Variants in TTC27 observed in about 807,000 individuals in gnomAD.
TTC27 encodes tetratricopeptide repeat protein 27.
Under a neutral mutation model 115.9 loss-of-function variants are expected in TTC27, and 79 were observed. That is an observed-to-expected ratio of 0.68 (90% CI 0.57 to 0.82). The LOEUF (loss-of-function observed/expected upper bound fraction) is 0.82. Among genes scored for constraint, TTC27 ranks in the 40% least tolerant of loss-of-function variants. The pLI is 0.00. For missense variants in TTC27, 1,054 were observed against 993.1 expected (o/e 1.06, Z -0.82); for synonymous variants, 401 against 356.0 (o/e 1.13, Z -1.42).
intron 9 of TTC27, among the ~76,000 whole-genome samples, chr2:32,700,302 G>C (rs1011966675): frequency 6.6e-6 from 1 of 152,134 alleles, no homozygotes; most frequent in Non-Finnish European, 1.5e-5. Flanking sequence ...GGGAGGTCAA[G>C]TAACTTCCCC....
chr2:32,645,700 T>TC (rs919360109), intron 4 of TTC27, among the ~76,000 whole-genome samples: 3 of 150,896 alleles, frequency 2.0e-5, no homozygotes, highest in African/African-American at 7.3e-5. Flanking sequence ...CCCTCCCGCC[T>TC]CCCCCCAATT....
chr2:32,765,357 CT>C (rs35543003), intron 13 of TTC27, among the ~76,000 whole-genome samples: 13,443 of 139,558 alleles, frequency 0.096, 587 homozygotes, highest in Middle Eastern at 0.16. Flanking sequence ...TGAAAGGAAT[CT>C]TTTTTTTTTT....
intron 13 of TTC27, among the ~76,000 whole-genome samples, chr2:32,763,907 C>G (rs1311128698): frequency 6.6e-6 from 1 of 152,166 alleles, no homozygotes; most frequent in Non-Finnish European, 1.5e-5. Context: ...CCAAATCTCC[C>G]AGGCACAATT....
chr2:32,785,863 G>A (rs1352918124), intron 15 of TTC27, among the ~76,000 whole-genome samples: 1 of 152,108 alleles, frequency 6.6e-6, no homozygotes, highest in Non-Finnish European at 1.5e-5. Context: ...CAAAGTGCTG[G>A]GATTAGAGTT....
At chr2:32,654,571 TC>T (rs1337375590) in intron 5 of TTC27, among the ~76,000 whole-genome samples, 2 of 152,238 alleles carry the variant, frequency 1.3e-5, no homozygotes, top group South Asian at 4.2e-4. Context: ...TGCTCTGTCA[TC>T]CGTGCTGGAG....
At chr2:32,661,789 T>G (rs894844961) in intron 5 of TTC27, among the ~76,000 whole-genome samples, 2 of 152,112 alleles carry the variant, frequency 1.3e-5, no homozygotes, top group South Asian at 4.1e-4. Context: ...CCCTGGCCAG[T>G]ACTTCCAACA....
chr2:32,754,851 G>T (rs1572579504), intron 12 of TTC27, among the ~76,000 whole-genome samples: 1 of 149,366 alleles, frequency 6.7e-6, no homozygotes. Context: ...CCTCCCGGAC[G>T]GGGCGGCTGG....
At chr2:32,761,586 ATG>A (rs1558330326) in intron 13 of TTC27, among the ~76,000 whole-genome samples, 2 of 152,010 alleles carry the variant, frequency 1.3e-5, no homozygotes, top group South Asian at 2.1e-4. Flanking sequence ...TTCTCTGAAT[ATG>A]CCAGGCACAT....
intron 12 of TTC27, among the ~76,000 whole-genome samples, chr2:32,751,894 G>C (rs1558324553): frequency 3.3e-5 from 5 of 152,168 alleles, no homozygotes; most frequent in Admixed American, 3.3e-4. Context: ...ACTCAGGTCA[G>C]GCATCTGGTC....
intron 9 of TTC27, among the ~76,000 whole-genome samples, chr2:32,692,817 C>CA (rs1298456880): frequency 2.6e-5 from 4 of 151,330 alleles, no homozygotes; most frequent in South Asian, 4.2e-4. Context: ...GCAAAAAATA[C>CA]AAAAAAAAGT....
intron 8 of TTC27, among the ~76,000 whole-genome samples, chr2:32,675,943 C>A (rs1666182409): frequency 6.6e-6 from 1 of 151,986 alleles, no homozygotes; most frequent in African/African-American, 2.4e-5. Flanking sequence ...AGGCGCCCAC[C>A]ACCATGCTCA....
intron 9 of TTC27, among the ~76,000 whole-genome samples, chr2:32,701,700 T>C (rs1223370512): frequency 6.6e-6 from 1 of 152,156 alleles, no homozygotes. Context: ...TTTGGAGTTA[T>C]GAATGAGTTT....
chr2:32,804,453 A>G (rs1487525852), intron 16 of TTC27, among the ~76,000 whole-genome samples: 1 of 152,224 alleles, frequency 6.6e-6, no homozygotes, highest in Non-Finnish European at 1.5e-5. Flanking sequence ...AGCACATGGA[A>G]ACAGCCTAGT....
At position 32,683,752 on chromosome 2, in the gene TTC27, C is replaced by A. The variant is rs146789016; in HGVS notation, c.1119+4830C>A. ...TTAGCTGTGTTATCTACATTATTTC[C>A]CTTCAGATGAGCCACGTCATGACAT... On this transcript the variant is annotated intron_variant, in intron 9 of 19. Transcript: ENST00000317907. Among the ~76,000 whole-genome samples, 22 of 152,234 alleles carry A rather than the reference C, an allele frequency of 1.4e-4. No homozygotes were observed. In the East Asian group the frequency reaches 3.9e-3, roughly 27 times the overall value.
intron 9 of TTC27, 25 bp from the exon 10 acceptor site, chr2:32,702,782 A>G (rs768948179): frequency 6.6e-7 from 1 of 1,510,612 alleles, no homozygotes; most frequent in Non-Finnish European, 9.2e-7. Context: ...CTTTTCTATG[A>G]TTTTTTTCTT....
chr2:32,797,229 A>T (rs1238937357), intron 16 of TTC27, among the ~76,000 whole-genome samples: 1 of 151,068 alleles, frequency 6.6e-6, no homozygotes, highest in Non-Finnish European at 1.5e-5. Context: ...GCTGGAGTGC[A>T]GTGGCATGAT....
At position 32,679,135 on chromosome 2, in the gene TTC27, C is replaced by G. The variant is rs193227022; in HGVS notation, c.1119+213C>G. Among the ~76,000 whole-genome samples, 3 of 152,258 alleles carry G rather than the reference C, an allele frequency of 2.0e-5. No individual in the cohort carries two copies. In the East Asian group the frequency reaches 5.8e-4, roughly 29 times the overall value. On this transcript the variant is annotated intron_variant, in intron 9 of 19. Transcript: ENST00000317907. Reference sequence around the variant, plus strand: ...AAATTGAGTGCTATGCCTACATGGTCATGGTGAAAAAGAAAGCTAGGAGCA... The same window carrying G: ...AAATTGAGTGCTATGCCTACATGGTGATGGTGAAAAAGAAAGCTAGGAGCA...
At chr2:32,746,392 A>G (rs1028990222) in intron 12 of TTC27, among the ~76,000 whole-genome samples, 1 of 151,368 alleles carries the variant, frequency 6.6e-6, no homozygotes, top group Non-Finnish European at 1.5e-5. Context: ...TGAAACCCCA[A>G]CTCTACTAAA....
intron 19 of TTC27, among the ~76,000 whole-genome samples, chr2:32,819,257 T>C (rs1211713697): frequency 2.6e-5 from 4 of 152,192 alleles, no homozygotes; most frequent in Non-Finnish European, 5.9e-5. Context: ...CATATTATGG[T>C]AGATTCCCAC....
Sources: gnomAD v4.1 joint callset for allele counts (sites outside exome capture counted in the v4.1 genomes callset) on GRCh38, gnomAD v4.1.1 for gene constraint, MANE v1.5 for transcripts, NCBI Gene and HGNC (gene_info 2026-07-23, HGNC 2026-07-21) for gene names.